The following VPS33A variants were observed in gnomAD, a reference collection of about 807,000 sequenced individuals.
The protein encoded by VPS33A is vacuolar protein sorting-associated protein 33A.
VPS33A carries 32 observed loss-of-function variants against 71.8 expected under a neutral mutation model. The observed-to-expected ratio is 0.45, with a 90% CI of 0.34 to 0.60. VPS33A has a LOEUF of 0.60. Ranked by LOEUF, VPS33A falls within the 20% of genes least tolerant of loss-of-function variation. The pLI, the probability that VPS33A is intolerant of heterozygous loss-of-function variation, is 0.02. For missense variants in VPS33A, 625 were observed against 748.5 expected (o/e 0.84, Z 1.92); for synonymous variants, 311 against 292.7 (o/e 1.06, Z -0.64).
chr12:122,244,883 A>G, intron 6 of VPS33A, 121 bp from the exon 7 acceptor site: 1 of 902,278 alleles, frequency 1.1e-6, no homozygotes, highest in Non-Finnish European at 1.6e-6. Flanking sequence ...AACGACACAT[A>G]GCTCTGAGCT....
In VPS33A at chr12:122,231,091, C is replaced by G. The variant is rs1954554753; in HGVS notation, c.*1155G>C. 1 of 152,222 alleles carries G rather than the reference C, an allele frequency of 6.6e-6. No homozygotes were observed. Among genetic ancestry groups the G allele is most frequent in the African/African-American group, 2.4e-5 (1 of 41,448 alleles). 9.4% of individuals were successfully genotyped at this position (152,222 alleles called of 1,614,324 possible). A position where few individuals can be genotyped will look rare whatever the true frequency, so the allele number is the denominator to read the frequency against. ...GAGTTGCCCCTGCTCACTGTGGGAC[C>G]AGTTGGATGTTGGGCCCTTGATGGA... On this transcript the variant is annotated 3_prime_UTR_variant, in exon 13 of 13. Coordinates refer to ENST00000267199, the MANE Select transcript of VPS33A (RefSeq NM_022916.6).
chr12:122,244,918 AG>A (rs1358455054), intron 6 of VPS33A, among the ~76,000 whole-genome samples, 156 bp from the exon 7 acceptor site: 1 of 152,240 alleles, frequency 6.6e-6, no homozygotes, highest in Non-Finnish European at 1.5e-5. Flanking sequence ...ATCAAAGTAC[AG>A]GAAGTAGTGA....
At chr12:122,236,059 T>TGG in intron 10 of VPS33A, 136 bp from the exon 11 acceptor site, 3 of 1,093,618 alleles carry the variant, frequency 2.7e-6, no homozygotes, top group Non-Finnish European at 3.9e-6. Flanking sequence ...TGTTAGTGGA[T>TGG]GGGCACAGAG....
chr12:122,266,236 G>A, intron 1 of VPS33A, 71 bp downstream of exon 1: 5 of 1,565,094 alleles, frequency 3.2e-6, no homozygotes, highest in Non-Finnish European at 4.3e-6. Flanking sequence ...GAACTCAGGC[G>A]GTCAGGGAAC....
intron 9 of VPS33A, 46 bp from the exon 10 acceptor site, chr12:122,238,770 TACACACACACACAC>T (rs57522920): frequency 6.0e-5 from 52 of 872,978 alleles, no homozygotes; most frequent in African/African-American, 1.2e-4. Flanking sequence ...TACATATACA[TACACACACACACAC>T]ACACACACAC....
rs1207844954 is a variant in VPS33A at position 122,232,164 on chromosome 12, A to C, written c.*82T>G. On this transcript the variant is annotated 3_prime_UTR_variant, in exon 13 of 13. Transcript: ENST00000267199. ...TATTCTGTATTCCCATGTTTCTTCTATGGGGTTTTACTTCCTTTCAGCAAT... is the reference window on the plus strand; with the variant it reads ...TATTCTGTATTCCCATGTTTCTTCTCTGGGGTTTTACTTCCTTTCAGCAAT... 5 of 1,315,514 alleles carry C rather than the reference A, an allele frequency of 3.8e-6. No individual in the cohort carries two copies. The highest frequency in any genetic ancestry group is 4.2e-6 in the Non-Finnish European group (4 of 956,556). The allele number at this position is 1,315,514 out of a possible 1,614,324, so 81.5% of individuals were successfully genotyped here.
At chr12:122,265,989 G>A (rs1955063360) in intron 1 of VPS33A, among the ~76,000 whole-genome samples, 1 of 152,180 alleles carries the variant, frequency 6.6e-6, no homozygotes, top group Non-Finnish European at 1.5e-5. Context: ...TTCTTGGACC[G>A]CTCACCCGTC....
chr12:122,249,957 A>G lies in VPS33A; in HGVS notation c.689T>C (p.Leu230Pro). 6.2e-7 allele frequency: 1 copy of G among 1,614,178 alleles called. No homozygotes were observed. Among genetic ancestry groups the G allele is most frequent in the Non-Finnish European group, 8.5e-7 (1 of 1,180,034 alleles). The change falls in exon 6 of 13, where the codon CTT becomes CCT. Residue 230 changes from leucine to proline, a missense_variant. Leu to Pro is a moderately conservative substitution (Grantham distance 98, BLOSUM62 -3). Transcript: ENST00000267199. ...IFPVFDNLLL[L>P]DRNVDLLTPL... ...TGTTAATAAATCCACATTCCGATCA[A>G]GCAACAAGAGATTATCAAAAACAGG...
chr12:122,244,619 C>T lies in VPS33A; in HGVS notation c.919G>A (p.Val307Ile), dbSNP rs1954753411. The T allele has an allele frequency of 6.2e-7, 1 of 1,613,984 alleles. No homozygotes were observed. Among genetic ancestry groups the T allele is most frequent in the Non-Finnish European group, 8.5e-7 (1 of 1,179,852 alleles). ...AEIRDKNFNA[V>I]GSVLSKKAKI... ...GCTTTCTTGCTGAGCACAGAGCCAA[C>T]TGCGTTGAAGTTCTTATCTCGGATC... The change falls in exon 7 of 13, where the codon GTT becomes ATT. Residue 307 changes from valine (V) to isoleucine (I), a missense_variant. Val to Ile is a conservative substitution (Grantham distance 29). Transcript: ENST00000267199.
At chr12:122,237,318 G>A (rs1032440398) in intron 10 of VPS33A, among the ~76,000 whole-genome samples, 1 of 152,128 alleles carries the variant, frequency 6.6e-6, no homozygotes. Context: ...CACTCAAATT[G>A]CCTGGTTTAC....
chr12:122,242,186 G>A (rs552673231), intron 8 of VPS33A, among the ~76,000 whole-genome samples, 196 bp downstream of exon 8: 1 of 152,226 alleles, frequency 6.6e-6, no homozygotes, highest in Non-Finnish European at 1.5e-5. Flanking sequence ...GGGATTACAG[G>A]CATGAGCCAC....
chr12:122,242,785 C>T (rs1335355440), intron 7 of VPS33A, among the ~76,000 whole-genome samples: 4 of 152,148 alleles, frequency 2.6e-5, no homozygotes, highest in Non-Finnish European at 5.9e-5. Flanking sequence ...AACTCCTGAC[C>T]TCAGGTGATC....
chr12:122,258,842 G>A lies in VPS33A; in HGVS notation c.483+2419C>T, dbSNP rs575841092. 3.3e-5 allele frequency among the ~76,000 whole-genome samples: 5 copies of A among 151,934 alleles called. No homozygotes were observed. The East Asian group carries it at 7.8e-4, about 24-fold the overall frequency. On this transcript the variant is annotated intron_variant, in intron 4 of 12. Coordinates refer to ENST00000267199, the MANE Select transcript of VPS33A (RefSeq NM_022916.6). Reference sequence around the variant, plus strand: ...CTAAAAATACAAAAACTAGCCAGGCGTGGTGGTGCATGCTTGTAATCCCAT... The same window carrying A: ...CTAAAAATACAAAAACTAGCCAGGCATGGTGGTGCATGCTTGTAATCCCAT...
At chr12:122,266,137 C>G (rs1184115331) in intron 1 of VPS33A, among the ~76,000 whole-genome samples, 170 bp downstream of exon 1, 1 of 152,212 alleles carries the variant, frequency 6.6e-6, no homozygotes, top group Non-Finnish European at 1.5e-5. Context: ...CCAGGGCCCC[C>G]CCCTTCATCG....
Position 122,244,839 on chromosome 12 carries a change from G to C in VPS33A, c.776-77C>G, listed in dbSNP as rs563196635. The C allele has an allele frequency of 5.2e-4, 754 of 1,459,196 alleles. 3 individuals carry two copies. Among genetic ancestry groups the C allele is most frequent in the South Asian group, 1.3e-3 (104 of 78,072 alleles). The allele number at this position is 1,459,196 out of a possible 1,614,324, so 90.4% of individuals were successfully genotyped here. ...CAATCCGGTAACCAAGCACAAAACA[G>C]AATTTCCAACTCAGGAGAAAATGGA... On this transcript the variant is annotated intron_variant, in intron 6 of 12. Coordinates refer to ENST00000267199, the MANE Select transcript of VPS33A (RefSeq NM_022916.6).
chr12:122,249,838 A>G (rs778967453), intron 6 of VPS33A, 33 bp downstream of exon 6: 2 of 1,580,310 alleles, frequency 1.3e-6, no homozygotes, highest in Non-Finnish European at 1.7e-6. Context: ...TTCTCATATT[A>G]CCTATTAGTG....
At chr12:122,242,308 T>C in intron 8 of VPS33A, 74 bp downstream of exon 8, 7 of 1,565,676 alleles carry the variant, frequency 4.5e-6, no homozygotes, top group Non-Finnish European at 6.1e-6. Flanking sequence ...CATTGTGGTG[T>C]TGATGACCTA....
Position 122,232,437 on chromosome 12 carries a change from A to G in VPS33A, c.1610-10T>C, listed in dbSNP as rs2136119763. 6.2e-7 allele frequency: 1 copy of G among 1,607,488 alleles called. No individual in the cohort carries two copies. Among genetic ancestry groups the G allele is most frequent in the Non-Finnish European group, 8.5e-7 (1 of 1,177,596 alleles). ...TTTTCTCCCGGTTGACCTAAAATTTAAACATTTCAGAATTAAAAACTATTT... is the reference window on the plus strand; with the variant it reads ...TTTTCTCCCGGTTGACCTAAAATTTGAACATTTCAGAATTAAAAACTATTT... On this transcript the variant is annotated splice_polypyrimidine_tract_variant and intron_variant, in intron 12 of 12. Coordinates refer to ENST00000267199, the MANE Select transcript of VPS33A (RefSeq NM_022916.6).
chr12:122,261,917 G>A (rs1408458895), intron 3 of VPS33A, among the ~76,000 whole-genome samples: 7 of 152,132 alleles, frequency 4.6e-5, no homozygotes, highest in Non-Finnish European at 7.4e-5. Flanking sequence ...CAGGAGAATC[G>A]CTTGAAACCG....
Sources: gnomAD v4.1 joint callset for allele counts (sites outside exome capture counted in the v4.1 genomes callset) on GRCh38, gnomAD v4.1.1 for gene constraint, MANE v1.5 for transcripts, NCBI Gene and HGNC (gene_info 2026-07-23, HGNC 2026-07-21) for gene names.